Variants in SORCS2 observed in about 807,000 individuals in gnomAD.
SORCS2 encodes sortilin related VPS10 domain containing receptor 2, also known as VPS10 domain-containing receptor SorCS2.
Under a neutral mutation model 141.6 loss-of-function variants are expected in SORCS2, and 100 were observed. That is an observed-to-expected ratio of 0.71 (90% CI 0.60 to 0.83). SORCS2 has a LOEUF of 0.83. Among genes scored for constraint, SORCS2 ranks in the 40% least tolerant of loss-of-function variants. SORCS2 has a pLI of 0.00. For synonymous variants in SORCS2, 789 were observed against 676.9 expected (o/e 1.17, Z -2.57); for missense variants, 1,646 against 1,560.2 (o/e 1.05, Z -0.93).
At chr4:7,705,006 A>G (rs1170408422) in intron 14 of SORCS2, among the ~76,000 whole-genome samples, 1 of 133,326 alleles carries the variant, frequency 7.5e-6, no homozygotes, top group Non-Finnish European at 1.6e-5. Flanking sequence ...AGATATCTGA[A>G]TAGTGTGTCC....
intron 4 of SORCS2, among the ~76,000 whole-genome samples, chr4:7,650,262 C>T (rs766370856): frequency 3.9e-5 from 6 of 152,180 alleles, no homozygotes; most frequent in African/African-American, 1.2e-4. Flanking sequence ...TACTTCCTGG[C>T]GATGTTGTGG....
Position 7,689,518 on chromosome 4 carries a change from G to T in SORCS2, c.1521G>T (p.Trp507Cys). 6.2e-7 allele frequency: 1 copy of T among 1,606,064 alleles called. No individual in the cohort carries two copies. The highest frequency in any genetic ancestry group is 8.5e-7 in the Non-Finnish European group (1 of 1,176,982). ...GCCACCTGCACCTGCACCTGCGCTG[G>T]GCAGACAACCCCTACGTATCAGGCA... is the stretch of plus-strand genomic sequence containing the variant. Reference protein sequence around the residue: ...PDCHLHLHLRWADNPYVSGTV... With the variant: ...PDCHLHLHLRCADNPYVSGTV... The change falls in exon 11 of 27, where the codon TGG becomes TGT. Residue 507 changes from tryptophan (W) to cysteine (C), a missense_variant. Coordinates refer to ENST00000507866, the MANE Select transcript of SORCS2 (RefSeq NM_020777.3).
At chr4:7,548,557 C>T (rs747188716) in intron 3 of SORCS2, among the ~76,000 whole-genome samples, 2 of 152,182 alleles carry the variant, frequency 1.3e-5, no homozygotes, top group Non-Finnish European at 2.9e-5. Context: ...AGGCCCAGCA[C>T]AGGGAAGTGG....
chr4:7,610,102 C>T (rs896159226), intron 3 of SORCS2, among the ~76,000 whole-genome samples: 13 of 152,216 alleles, frequency 8.5e-5, no homozygotes, highest in African/African-American at 2.6e-4. Context: ...CTGCAGGACG[C>T]GCTGAGTAAA....
intron 2 of SORCS2, among the ~76,000 whole-genome samples, chr4:7,448,284 C>T (rs974058124): frequency 6.6e-6 from 1 of 152,074 alleles, no homozygotes; most frequent in Non-Finnish European, 1.5e-5. Flanking sequence ...CCCACGTCAC[C>T]CAGTGTGGCC....
At chr4:7,229,036 G>A (rs571163775) in intron 1 of SORCS2, among the ~76,000 whole-genome samples, 1 of 152,350 alleles carries the variant, frequency 6.6e-6, no homozygotes, top group African/African-American at 2.4e-5. Flanking sequence ...GGCCTGGTCT[G>A]TGTTGAGGGG....
At chr4:7,597,569 G>A (rs1435243347) in intron 3 of SORCS2, among the ~76,000 whole-genome samples, 2 of 151,236 alleles carry the variant, frequency 1.3e-5, no homozygotes, top group African/African-American at 4.9e-5. Context: ...GTTGCAATAG[G>A]GGAAGGGGCT....
At position 7,488,004 on chromosome 4, in the gene SORCS2, A is replaced by T. The variant is rs558110135; in HGVS notation, c.549-43526A>T. Reference sequence around the variant, plus strand: ...CAAGTGCTGGGCTTTCTTCCCTGTCACCGCCTCCAGGAGCGTAGCCCTGCG... The same window carrying T: ...CAAGTGCTGGGCTTTCTTCCCTGTCTCCGCCTCCAGGAGCGTAGCCCTGCG... On this transcript the variant is annotated intron_variant, in intron 2 of 26. Transcript: ENST00000507866. Among the ~76,000 whole-genome samples the T allele has an allele frequency of 2.6e-4, 39 of 152,010 alleles. No homozygotes were observed. In the South Asian group the frequency reaches 7.7e-3, roughly 30 times the overall value.
At chr4:7,727,086 G>A (rs1025426381) in intron 21 of SORCS2, among the ~76,000 whole-genome samples, 183 bp downstream of exon 21, 6 of 152,272 alleles carry the variant, frequency 3.9e-5, no homozygotes, top group Non-Finnish European at 5.9e-5. Context: ...AAAGTCTCCC[G>A]GTCTCTCTGG....
At chr4:7,491,524 G>A (rs1731314463) in intron 2 of SORCS2, among the ~76,000 whole-genome samples, 1 of 152,236 alleles carries the variant, frequency 6.6e-6, no homozygotes, top group Non-Finnish European at 1.5e-5. Context: ...ATTTCACGCT[G>A]CTGACTGAAT....
intron 2 of SORCS2, among the ~76,000 whole-genome samples, chr4:7,524,099 G>C (rs1286915495): frequency 6.6e-6 from 1 of 152,222 alleles, no homozygotes; most frequent in Non-Finnish European, 1.5e-5. Context: ...CTATAGAGAG[G>C]TGAATAGAGT....
chr4:7,361,169 C>T lies in SORCS2; in HGVS notation c.481-35119C>T, dbSNP rs891120187. On this transcript the variant is annotated intron_variant, in intron 1 of 26. Coordinates refer to ENST00000507866, the MANE Select transcript of SORCS2 (RefSeq NM_020777.3). ...GCTTCGTTATTTAGTGAACAAAATA[C>T]ATAATTTGGAGGTAACTTCGTTATG... 2.0e-5 allele frequency among the ~76,000 whole-genome samples: 3 copies of T among 152,212 alleles called. 1 individual carries two copies. The highest frequency in any genetic ancestry group is 2.0e-4 in the Admixed American group (3 of 15,280).
At chr4:7,341,156 C>T (rs868424926) in intron 1 of SORCS2, among the ~76,000 whole-genome samples, 1 of 152,232 alleles carries the variant, frequency 6.6e-6, no homozygotes, top group African/African-American at 2.4e-5. Flanking sequence ...CCGAGGTCTG[C>T]GTGCAGGAAA....
At position 7,723,763 on chromosome 4, in the gene SORCS2, C is replaced by G. The variant is rs868010937; in HGVS notation, c.2491C>G (p.Leu831Val). The G allele has an allele frequency of 6.2e-7, 1 of 1,614,026 alleles. No homozygotes were observed. Among genetic ancestry groups the G allele is most frequent in the Middle Eastern group, 1.6e-4 (1 of 6,062 alleles). The change falls in exon 19 of 27, where the codon CTT becomes GTT. Residue 831 changes from leucine to valine, a missense_variant. Physicochemically the swap from Leu to Val is conservative, Grantham distance 32. Coordinates refer to ENST00000507866, the MANE Select transcript of SORCS2 (RefSeq NM_020777.3). ...CGGCTTCAAGGCCATGTACGTGAAC[C>G]TTACACTGACCGGGGAGCCCATCCG... ...GDGFKAMYVN[L>V]TLTGEPIRHR...
rs187237203 is a variant in SORCS2, at chr4:7,330,988, G to A, written c.481-65300G>A. ...TCCTGCGAGGGAGAGGAATGTGGGT[G>A]CTGAGGCTGGGGGTGAGAAGATCCA... is the stretch of plus-strand genomic sequence containing the variant. On this transcript the variant is annotated intron_variant, in intron 1 of 26. Transcript: ENST00000507866. 7.6e-3 allele frequency among the ~76,000 whole-genome samples: 1,150 copies of A among 152,260 alleles called. 23 individuals are homozygous for A. The highest frequency in any genetic ancestry group is 0.026 in the African/African-American group (1,082 of 41,564).
chr4:7,314,387 T>C (rs367673842), intron 1 of SORCS2, among the ~76,000 whole-genome samples: 1 of 148,944 alleles, frequency 6.7e-6, no homozygotes, highest in East Asian at 2.0e-4. Flanking sequence ...TTGCCCAGGC[T>C]GGAGTGCAGT....
intron 3 of SORCS2, among the ~76,000 whole-genome samples, chr4:7,605,705 C>A (rs1331070827): frequency 6.6e-6 from 1 of 152,146 alleles, no homozygotes; most frequent in East Asian, 1.9e-4. Flanking sequence ...GGATCCCTTG[C>A]TGTTTCACAT....
chr4:7,206,361 C>G (rs920232629), intron 1 of SORCS2, among the ~76,000 whole-genome samples: 1 of 152,144 alleles, frequency 6.6e-6, no homozygotes, highest in Admixed American at 6.5e-5. Flanking sequence ...GAGGAGCTAG[C>G]AGGAGGTCAT....
intron 2 of SORCS2, chr4:7,433,859 C>A: frequency 6.2e-7 from 1 of 1,613,896 alleles, no homozygotes; most frequent in East Asian, 2.2e-5. Context: ...CTGTAGGTGT[C>A]CACCAAGATG....
Sources: gnomAD v4.1 joint callset for allele counts (sites outside exome capture counted in the v4.1 genomes callset) on GRCh38, gnomAD v4.1.1 for gene constraint, MANE v1.5 for transcripts, NCBI Gene and HGNC (gene_info 2026-07-23, HGNC 2026-07-21) for gene names.